PIK3C2B: variants seen among roughly 807,000 people sequenced by gnomAD.
PIK3C2B encodes phosphatidylinositol 4-phosphate 3-kinase C2 domain-containing subunit beta.
Under a neutral mutation model 184.3 loss-of-function variants are expected in PIK3C2B, and 83 were observed. That is an observed-to-expected ratio of 0.45 (90% confidence interval 0.38 to 0.54). The LOEUF (loss-of-function observed/expected upper bound fraction) is 0.54. PIK3C2B is among the 20% of genes least tolerant of loss of function. The pLI is 0.00. For missense variants in PIK3C2B, 1,736 were observed against 2,113.5 expected, an observed-to-expected ratio of 0.82 and a Z score of 3.50; for synonymous variants, 779 against 837.6, an observed-to-expected ratio of 0.93 and a Z score of 1.21.
intron 11 of PIK3C2B, among the ~76,000 whole-genome samples, chr1:204,455,108 G>A (rs1055425552): frequency 8.5e-5 from 13 of 152,236 alleles, no homozygotes; most frequent in Non-Finnish European, 1.6e-4. Flanking sequence ...GTGTGCGTGC[G>A]TGTGTGCGCG....
intron 1 of PIK3C2B, among the ~76,000 whole-genome samples, chr1:204,470,146 C>T (rs1452852161): frequency 2.0e-5 from 3 of 151,584 alleles, no homozygotes; most frequent in Non-Finnish European, 4.4e-5. Flanking sequence ...GTCATTTGTG[C>T]CCCAAAAAGA....
At position 204,462,915 on chromosome 1, in the gene PIK3C2B, C is replaced by T. The variant is rs1429927683; in HGVS notation, c.1310+1097G>A. 2.0e-5 allele frequency among the ~76,000 whole-genome samples: 3 copies of T among 151,848 alleles called. No individual in the cohort carries two copies. The South Asian group carries it at 6.2e-4, about 32-fold the overall frequency. ...TTAAAAAATACAAAAATTAGCCGGG[C>T]GTGGTGGTGCTTATGCCTGTAATCC... On this transcript the variant is annotated intron_variant, in intron 5 of 32. Transcript: ENST00000684373.
intron 28 of PIK3C2B, 178 bp downstream of exon 28, chr1:204,431,491 G>C: frequency 1.4e-6 from 1 of 690,756 alleles, no homozygotes; most frequent in Admixed American, 2.4e-5. Flanking sequence ...TGCGTGCAAG[G>C]AGAGCTTGGC....
chr1:204,457,132 A>G, intron 9 of PIK3C2B, 62 bp from the exon 10 acceptor site: 1 of 1,436,002 alleles, frequency 7.0e-7, no homozygotes, highest in Non-Finnish European at 9.5e-7. Flanking sequence ...TCACAGCTGG[A>G]AGAAGGGCTT....
In PIK3C2B at chr1:204,424,059, G is replaced by A. The variant is rs1236694451; in HGVS notation, c.*793C>T. 2.0e-5 allele frequency: 3 copies of A among 152,836 alleles called. No homozygotes were observed. The highest frequency in any genetic ancestry group is 4.4e-5 in the Non-Finnish European group (3 of 68,222). The allele number at this position is 152,836 out of a possible 1,614,324, so 9.5% of individuals were successfully genotyped here. ...GGGCAAGTCCTAATAAAGTAGGGAAGACAAGAGGAAAAGTCCCCCCAAAAG... is the reference window on the plus strand; with the variant it reads ...GGGCAAGTCCTAATAAAGTAGGGAAAACAAGAGGAAAAGTCCCCCCAAAAG... On this transcript the variant is annotated 3_prime_UTR_variant, in exon 33 of 33. Coordinates refer to ENST00000684373, the MANE Select transcript of PIK3C2B (RefSeq NM_001377334.1).
chr1:204,465,389 A>T, intron 2 of PIK3C2B, 70 bp from the exon 3 acceptor site: 1 of 901,616 alleles, frequency 1.1e-6, no homozygotes, highest in Non-Finnish European at 1.8e-6. Context: ...GGTACTCCAG[A>T]CCTAAACTCA....
At chr1:204,459,041 G>A (rs926115139) in intron 8 of PIK3C2B, among the ~76,000 whole-genome samples, 1 of 151,988 alleles carries the variant, frequency 6.6e-6, no homozygotes, top group Non-Finnish European at 1.5e-5. Context: ...TTGAGATAGG[G>A]TCTCACTCTG....
rs1675108342 is a variant in PIK3C2B, at chr1:204,432,347, A to G, written c.4008T>C (p.His1336=). The G allele has an allele frequency of 6.2e-7, 1 of 1,614,036 alleles. No individual in the cohort carries two copies. The highest frequency in any genetic ancestry group is 1.7e-5 in the Admixed American group (1 of 60,000). Residue 1336 remains histidine, a synonymous_variant, in exon 27 of 33, where the codon CAT becomes CAC. Transcript: ENST00000684373. ...CCGTGAACTTCATCTGAGCCAGATTATGGATGAAAAAATTGAGCTTTGTGG... is the reference window on the plus strand; with the variant it reads ...CCGTGAACTTCATCTGAGCCAGATTGTGGATGAAAAAATTGAGCTTTGTGG... ...SVATKLNFFI[H]NLAQMKFTGS...
In PIK3C2B at chr1:204,425,728, T is replaced by C. The variant is rs774721691; in HGVS notation, c.4601A>G (p.Asp1534Gly). 1 of 1,613,718 alleles carries C rather than the reference T, an allele frequency of 6.2e-7. No homozygotes were observed. Among genetic ancestry groups the C allele is most frequent in the Non-Finnish European group, 8.5e-7 (1 of 1,179,864 alleles). The change falls in exon 32 of 33, where the codon GAT becomes GGT. Residue 1534 changes from aspartate to glycine, a missense_variant. Physicochemically the swap from Asp to Gly is moderately conservative, Grantham distance 94 (BLOSUM62 -1). This residue lies in a region of PIK3C2B where 95 missense variants were observed against 164.2 expected (regional missense o/e 0.58). Coordinates refer to ENST00000684373, the MANE Select transcript of PIK3C2B (RefSeq NM_001377334.1). ...CACATAGGGGTCAGGGTCATTTCCA[T>C]CCTGGAGCAGTTGCTACAATAGAAT... ...MHIRGLQLLQ[D>G]GNDPDPYVKI...
At position 204,447,358 on chromosome 1, in the gene PIK3C2B, C is replaced by A; in HGVS notation, c.2489+78G>T. ...ATGCCCACCCCTTCCCACCTCCACT[C>A]CCAAAGCAGGAGGACGGAGACTCAG... On this transcript the variant is annotated intron_variant, in intron 15 of 32. Transcript: ENST00000684373. This position sits in a 1 kb window ranked among gnomAD's most constrained non-coding sequence, Gnocchi z 4.1. 6.9e-7 allele frequency: 1 copy of A among 1,447,582 alleles called. No homozygotes were observed. The highest frequency in any genetic ancestry group is 1.8e-5 in the Admixed American group (1 of 56,000). 89.7% of individuals were successfully genotyped at this position (1,447,582 alleles called of 1,614,324 possible).
intron 28 of PIK3C2B, 76 bp downstream of exon 28, chr1:204,431,593 C>A: frequency 1.3e-6 from 2 of 1,575,736 alleles, no homozygotes; most frequent in Non-Finnish European, 1.7e-6. Flanking sequence ...GCCCCTGCAG[C>A]CCTGACCACC....
intron 5 of PIK3C2B, among the ~76,000 whole-genome samples, chr1:204,462,323 C>G (rs914573657): frequency 6.6e-6 from 1 of 151,706 alleles, no homozygotes; most frequent in Non-Finnish European, 1.5e-5. Flanking sequence ...GCCCAGAGCC[C>G]TAGGACTTCT....
In PIK3C2B at chr1:204,433,028, T is replaced by C. The variant is rs377731271; in HGVS notation, c.3953+288A>G. Among the ~76,000 whole-genome samples the C allele has an allele frequency of 6.6e-6, 1 of 152,194 alleles. No individual in the cohort carries two copies. The highest frequency in any genetic ancestry group is 1.5e-5 in the Non-Finnish European group (1 of 68,040). ...AAAAGCCACATTATACATTGCCCCATAGACAAAGTATTTGATGGGACCTAG... is the reference window on the plus strand; with the variant it reads ...AAAAGCCACATTATACATTGCCCCACAGACAAAGTATTTGATGGGACCTAG... On this transcript the variant is annotated intron_variant, in intron 26 of 32. Transcript: ENST00000684373. The surrounding 1 kb of genome is among the most constrained non-coding windows in gnomAD (Gnocchi z 5.0).
chr1:204,461,629 G>T (rs532134111), intron 5 of PIK3C2B, among the ~76,000 whole-genome samples: 1 of 152,152 alleles, frequency 6.6e-6, no homozygotes, highest in Non-Finnish European at 1.5e-5. Context: ...ATGAGGGCTC[G>T]AGTGAGGGGT....
Position 204,469,859 on chromosome 1 carries a change from G to T in PIK3C2B, c.-57C>A. The T allele has an allele frequency of 1.6e-6, 2 of 1,245,204 alleles. No homozygotes were observed. The highest frequency in any genetic ancestry group is 2.3e-6 in the Non-Finnish European group (2 of 851,754). 77.1% of individuals were successfully genotyped at this position (1,245,204 alleles called of 1,614,324 possible). ...TCTACTTCCTGCCAACGTCAGTTCT[G>T]GAGGGTTGTGACATGGTGTCTGGGC... On this transcript the variant is annotated 5_prime_UTR_variant, in exon 2 of 33. Coordinates refer to ENST00000684373, the MANE Select transcript of PIK3C2B (RefSeq NM_001377334.1).
intron 1 of PIK3C2B, among the ~76,000 whole-genome samples, chr1:204,470,834 A>G (rs1347487253): frequency 6.6e-6 from 1 of 152,282 alleles, no homozygotes; most frequent in Non-Finnish European, 1.5e-5. Flanking sequence ...ATGCAATAAC[A>G]AGGCTAATCT....
chr1:204,461,278 T>C (rs1007936827), intron 5 of PIK3C2B, among the ~76,000 whole-genome samples: 1 of 152,218 alleles, frequency 6.6e-6, no homozygotes, highest in Non-Finnish European at 1.5e-5. Flanking sequence ...AAGTCCCAAA[T>C]GCATGCCAGT....
Position 204,455,844 on chromosome 1 carries a change from C to T in PIK3C2B, c.1943+12G>A. 6.2e-7 allele frequency: 1 copy of T among 1,604,470 alleles called. No individual in the cohort carries two copies. Among genetic ancestry groups the T allele is most frequent in the Non-Finnish European group, 8.5e-7 (1 of 1,174,658 alleles). The stretch of plus-strand genomic sequence containing the variant: ...AGCTTGCTCCCTAGCGGCTACTCAG[C>T]CCTGGGCTCACCTGGTAGCCCAGAT... On this transcript the variant is annotated intron_variant, in intron 11 of 32. Coordinates refer to ENST00000684373, the MANE Select transcript of PIK3C2B (RefSeq NM_001377334.1).
chr1:204,435,938 T>C (rs951232508), intron 23 of PIK3C2B: 3 of 152,208 alleles, frequency 2.0e-5, no homozygotes, highest in Non-Finnish European at 2.9e-5. Context: ...TAACTCCCAG[T>C]CGTGACCTGG....
Sources: allele counts gnomAD v4.1 joint callset (sites outside exome capture counted in the v4.1 genomes callset), GRCh38; gene constraint gnomAD v4.1.1; regional missense constraint gnomAD v4.1.1; non-coding constraint Gnocchi (gnomAD v3.1); transcripts MANE v1.5; gene names NCBI Gene and HGNC (gene_info 2026-07-23, HGNC 2026-07-21).